The following ARCN1 variants were observed in gnomAD, a reference collection of about 807,000 sequenced individuals.
ARCN1 encodes coatomer subunit delta.
Under a neutral mutation model 60.4 loss-of-function variants are expected in ARCN1, and 5 were observed. The observed-to-expected ratio is 0.08, with a 90% CI of 0.04 to 0.17. The LOEUF (loss-of-function observed/expected upper bound fraction) is 0.17. Among genes scored for constraint, ARCN1 ranks in the 10% least tolerant of loss-of-function variants. The pLI is 1.00. For synonymous variants in ARCN1, 224 were observed against 220.0 expected (o/e 1.02, Z -0.16); for missense variants, 464 against 626.5 (o/e 0.74, Z 2.77).
Position 118,591,262 on chromosome 11 carries a change from G to A in ARCN1, c.984+756G>A, listed in dbSNP as rs554587341. ...CGTCACAAGAACAAAGCCTTTTTACGGAAGAGTGTTTTTGTCTACTTTCCC... is the reference window on the plus strand; with the variant it reads ...CGTCACAAGAACAAAGCCTTTTTACAGAAGAGTGTTTTTGTCTACTTTCCC... On this transcript the variant is annotated intron_variant, in intron 6 of 9. Transcript: ENST00000264028. 7.2e-5 allele frequency among the ~76,000 whole-genome samples: 11 copies of A among 152,304 alleles called. No homozygotes were observed. The South Asian group carries it at 2.1e-3, about 29-fold the overall frequency.
chr11:118,600,251 A>G (rs1214466819), intron 9 of ARCN1, among the ~76,000 whole-genome samples: 5 of 152,242 alleles, frequency 3.3e-5, no homozygotes, highest in Non-Finnish European at 5.9e-5. Flanking sequence ...CAAATGAATA[A>G]TGTGAAGAGC....
At chr11:118,595,208 G>C (rs1170134473) in intron 8 of ARCN1, among the ~76,000 whole-genome samples, 1 of 152,204 alleles carries the variant, frequency 6.6e-6, no homozygotes, top group African/African-American at 2.4e-5. Flanking sequence ...AAGATTTCCA[G>C]AAGGAGGAGC....
chr11:118,591,445 T>A (rs11216917), intron 6 of ARCN1, among the ~76,000 whole-genome samples: 1 of 152,058 alleles, frequency 6.6e-6, no homozygotes, highest in Non-Finnish European at 1.5e-5. Context: ...AAGCTGGAGT[T>A]CTGTGGTACG....
intron 1 of ARCN1, among the ~76,000 whole-genome samples, chr11:118,577,370 C>T (rs1217279998): frequency 6.6e-6 from 1 of 152,032 alleles, no homozygotes; most frequent in Non-Finnish European, 1.5e-5. Context: ...CCTCACTCTC[C>T]CCGTAGCTGG....
rs45489001 is a variant in ARCN1, at chr11:118,602,716, A to G, written c.*2002A>G. 1.6e-3 allele frequency: 239 copies of G among 153,892 alleles called. 1 individual carries two copies. The highest frequency in any genetic ancestry group is 2.4e-3 in the Non-Finnish European group (163 of 68,038). 9.5% of individuals were successfully genotyped at this position (153,892 alleles called of 1,614,324 possible). On this transcript the variant is annotated 3_prime_UTR_variant, in exon 10 of 10. Transcript: ENST00000264028. ...GTTAGTTAAGCAGGCAAGAAATCCT[A>G]CTAATCCAGTTTTGTTTGAAAGTTG...
chr11:118,576,444 A>AAC (rs1438460862), intron 1 of ARCN1, among the ~76,000 whole-genome samples: 1 of 148,236 alleles, frequency 6.7e-6, no homozygotes, highest in Non-Finnish European at 1.5e-5. Context: ...AAAAAAAAAA[A>AAC]AAAAACCAAA....
chr11:118,582,460 C>T (rs1938679240), intron 2 of ARCN1, among the ~76,000 whole-genome samples: 1 of 151,970 alleles, frequency 6.6e-6, no homozygotes. Flanking sequence ...CGTGGTGGCT[C>T]ACGCTTGTAA....
At chr11:118,574,008 T>G (rs781996536) in intron 1 of ARCN1, among the ~76,000 whole-genome samples, 6 of 152,214 alleles carry the variant, frequency 3.9e-5, no homozygotes, top group Non-Finnish European at 5.9e-5. Context: ...ATAAAGGTAA[T>G]CTTTCTAAAA....
chr11:118,576,443 A>AC (rs1235455314), intron 1 of ARCN1, among the ~76,000 whole-genome samples: 6 of 147,566 alleles, frequency 4.1e-5, no homozygotes, highest in African/African-American at 1.2e-4. Flanking sequence ...AAAAAAAAAA[A>AC]AAAAAACCAA....
chr11:118,593,177 C>T (rs930332636), intron 7 of ARCN1, among the ~76,000 whole-genome samples: 1 of 152,078 alleles, frequency 6.6e-6, no homozygotes, highest in Non-Finnish European at 1.5e-5. Context: ...CATCCTCCTG[C>T]CTCAGCCTCT....
chr11:118,581,937 G>GACAGACACACACACACACACACAC (rs1555074708), intron 2 of ARCN1, among the ~76,000 whole-genome samples: 65 of 140,810 alleles, frequency 4.6e-4, no homozygotes, highest in African/African-American at 1.3e-3. Flanking sequence ...CAGACAGACA[G>GACAGACACACACACACACACACAC]ACACACACAC....
At chr11:118,575,926 G>A (rs781956066) in intron 1 of ARCN1, among the ~76,000 whole-genome samples, 1 of 151,824 alleles carries the variant, frequency 6.6e-6, no homozygotes, top group Non-Finnish European at 1.5e-5. Flanking sequence ...TAGAACTGGA[G>A]CAGTGGGTAT....
At chr11:118,580,859 G>A (rs965723016) in intron 1 of ARCN1, among the ~76,000 whole-genome samples, 1 of 152,110 alleles carries the variant, frequency 6.6e-6, no homozygotes, top group Non-Finnish European at 1.5e-5. Context: ...TCAGCTGGTC[G>A]TGGTAGTTCA....
chr11:118,600,605 C>T lies in ARCN1; in HGVS notation c.1447-20C>T. Reference sequence around the variant, plus strand: ...GACTCAAACCTCCTGCTTTACCTTACTCTTTGTTTATTTTCCTAGGTTACC... The same window carrying T: ...GACTCAAACCTCCTGCTTTACCTTATTCTTTGTTTATTTTCCTAGGTTACC... On this transcript the variant is annotated intron_variant, in intron 9 of 9. Coordinates refer to ENST00000264028, the MANE Select transcript of ARCN1 (RefSeq NM_001655.5). 1 of 1,580,694 alleles carries T rather than the reference C, an allele frequency of 6.3e-7. No individual in the cohort carries two copies. Among genetic ancestry groups the T allele is most frequent in the Non-Finnish European group, 8.7e-7 (1 of 1,155,380 alleles).
At chr11:118,576,074 T>C (rs1555073484) in intron 1 of ARCN1, among the ~76,000 whole-genome samples, 1 of 152,000 alleles carries the variant, frequency 6.6e-6, no homozygotes, top group Non-Finnish European at 1.5e-5. Flanking sequence ...ACCTCCTATG[T>C]TAGGGATATT....
In ARCN1 at chr11:118,583,167, G is replaced by T; in HGVS notation, c.268-12G>T. 6.2e-7 allele frequency: 1 copy of T among 1,612,884 alleles called. No homozygotes were observed. The highest frequency in any genetic ancestry group is 8.5e-7 in the Non-Finnish European group (1 of 1,179,394). ...TTCTAAATCTTTCTTTTTTATTGGT[G>T]TCCACGCTTAGATCCCTGAATATTG... is the stretch of plus-strand genomic sequence containing the variant. On this transcript the variant is annotated splice_polypyrimidine_tract_variant and intron_variant, in intron 2 of 9. Transcript: ENST00000264028.
intron 9 of ARCN1, among the ~76,000 whole-genome samples, chr11:118,598,275 G>GTCACTTGA (rs1255329190): frequency 1.3e-5 from 2 of 151,726 alleles, no homozygotes; most frequent in Middle Eastern, 3.4e-3. Context: ...AGGCCTTGCT[G>GTCACTTGA]TCACTTGATT....
In ARCN1 at chr11:118,584,030, C is replaced by T. The variant is rs782263270; in HGVS notation, c.653+16C>T. The T allele has an allele frequency of 1.9e-6, 3 of 1,610,666 alleles. No homozygotes were observed. In the South Asian group the frequency reaches 3.3e-5, roughly 18 times the overall value. ...CACCAGCCAGGTATAATCCAGTGTACTTTAGAATACCAGGTGAAGGGTGTA... is the reference window on the plus strand; with the variant it reads ...CACCAGCCAGGTATAATCCAGTGTATTTTAGAATACCAGGTGAAGGGTGTA... On this transcript the variant is annotated intron_variant, in intron 4 of 9. Coordinates refer to ENST00000264028, the MANE Select transcript of ARCN1 (RefSeq NM_001655.5).
intron 1 of ARCN1, among the ~76,000 whole-genome samples, chr11:118,575,091 G>T (rs577482345): frequency 1.3e-5 from 2 of 152,226 alleles, no homozygotes; most frequent in Non-Finnish European, 2.9e-5. Context: ...CTATCCTCCT[G>T]CCTCAGCCTC....
Sources: allele counts gnomAD v4.1 joint callset (sites outside exome capture counted in the v4.1 genomes callset), GRCh38; gene constraint gnomAD v4.1.1; transcripts MANE v1.5; gene names NCBI Gene and HGNC (gene_info 2026-07-23, HGNC 2026-07-21).